Variants in MTMR12 observed in about 807,000 individuals in gnomAD.
MTMR12 encodes the protein myotubularin related protein 12, also known as myotubularin-related protein 12.
MTMR12 carries 33 observed loss-of-function variants against 96.7 expected under a neutral mutation model. The observed-to-expected ratio is 0.34, with a 90% CI of 0.26 to 0.46. The LOEUF is 0.46. MTMR12 is among the 20% of genes least tolerant of loss of function. The pLI is 1.00. For missense variants in MTMR12, 721 were observed against 896.1 expected, an observed-to-expected ratio of 0.80 and a Z score of 2.49; for synonymous variants, 298 against 327.2, an observed-to-expected ratio of 0.91 and a Z score of 0.96.
chr5:32,257,776 A>C lies in MTMR12; in HGVS notation c.714-2008T>G, dbSNP rs1315902421. Among the ~76,000 whole-genome samples, 3 of 137,728 alleles carry C rather than the reference A, an allele frequency of 2.2e-5. No homozygotes were observed. The East Asian group carries it at 5.8e-4, about 27-fold the overall frequency. 90.4% of individuals were successfully genotyped at this position (137,728 alleles called of 152,430 possible). On this transcript the variant is annotated intron_variant, in intron 7 of 15. Coordinates refer to ENST00000382142, the MANE Select transcript of MTMR12 (RefSeq NM_001040446.3). ...GAGCAAAACTCTGTCTCAAAAAAAC[A>C]AACAAACAAACAAACAAACAAACAA...
At chr5:32,301,503 T>C (rs1305777986) in intron 1 of MTMR12, among the ~76,000 whole-genome samples, 1 of 152,240 alleles carries the variant, frequency 6.6e-6, no homozygotes, top group South Asian at 2.1e-4. Flanking sequence ...GGGAAGTTGA[T>C]CTCAAGGGAT....
Position 32,282,420 on chromosome 5 carries a change from AAAATAAATAAATAAAT to A in MTMR12, c.82-5694_82-5679del, listed in dbSNP as rs202223564. Reference sequence around the variant, plus strand: ...TGGGCGACAGAGCAAGACTCCATCTAAAATAAATAAATAAATAAATAAATAAATAAATAAATAAATA... The same window carrying A: ...TGGGCGACAGAGCAAGACTCCATCTAAAATAAATAAATAAATAAATAAATA... On this transcript the variant is annotated intron_variant, in intron 1 of 15. Transcript: ENST00000382142. 4.9e-4 allele frequency among the ~76,000 whole-genome samples: 71 copies of A among 145,048 alleles called. No homozygotes were observed. In the South Asian group the frequency reaches 5.4e-3, roughly 11 times the overall value.
At chr5:32,310,248 A>T (rs1751522885) in intron 1 of MTMR12, among the ~76,000 whole-genome samples, 1 of 152,206 alleles carries the variant, frequency 6.6e-6, no homozygotes, top group Non-Finnish European at 1.5e-5. Context: ...GGCTACAGTG[A>T]GCTGTGATCA....
chr5:32,295,186 C>T lies in MTMR12; in HGVS notation c.81+17572G>A, dbSNP rs114420894. 7.8e-3 allele frequency among the ~76,000 whole-genome samples: 1,184 copies of T among 152,358 alleles called. 14 individuals carry two copies. The highest frequency in any genetic ancestry group is 0.027 in the African/African-American group (1,123 of 41,576). On this transcript the variant is annotated intron_variant, in intron 1 of 15. Transcript: ENST00000382142. ...GCAGGCCTGACTAGCAGGCTCATTC[C>T]CCATGCTTCTGAAAGCATGACAGGA...
intron 7 of MTMR12, 122 bp from the exon 8 acceptor site, chr5:32,255,890 T>C (rs993506305): frequency 1.6e-5 from 13 of 819,494 alleles, no homozygotes; most frequent in Non-Finnish European, 2.5e-5. Flanking sequence ...CATATTTCCC[T>C]GTTCAGAACC....
At chr5:32,292,090 G>C (rs551202715) in intron 1 of MTMR12, among the ~76,000 whole-genome samples, 1 of 152,272 alleles carries the variant, frequency 6.6e-6, no homozygotes, top group East Asian at 1.9e-4. Flanking sequence ...GGAATTCACT[G>C]GTCTTACCAT....
chr5:32,255,534 C>T (rs1035995232), intron 8 of MTMR12, among the ~76,000 whole-genome samples, 159 bp downstream of exon 8: 1 of 152,192 alleles, frequency 6.6e-6, no homozygotes, highest in African/African-American at 2.4e-5. Context: ...TCCCAATGAC[C>T]TTTAACAGAC....
intron 8 of MTMR12, among the ~76,000 whole-genome samples, chr5:32,254,453 G>A (rs979223944): frequency 2.8e-4 from 43 of 152,104 alleles, no homozygotes; most frequent in Admixed American, 2.1e-3. Context: ...TTAATAAAGA[G>A]CTAAAAATTA....
rs759245102 is a variant in MTMR12, at chr5:32,233,515, C to T, written c.1674+258G>A. ...ACACACACAGGCAGGACAAGAGGCA[C>T]GATTCCATGGAGTATGACCAGGGTG... is the stretch of plus-strand genomic sequence containing the variant. On this transcript the variant is annotated intron_variant, in intron 15 of 15. Coordinates refer to ENST00000382142, the MANE Select transcript of MTMR12 (RefSeq NM_001040446.3). The surrounding 1 kb of genome is among the most constrained non-coding windows in gnomAD (Gnocchi z 5.0). Among the ~76,000 whole-genome samples the T allele has an allele frequency of 6.6e-6, 1 of 151,482 alleles. No homozygotes were observed. Among genetic ancestry groups the T allele is most frequent in the Admixed American group, 6.6e-5 (1 of 15,244 alleles).
intron 10 of MTMR12, among the ~76,000 whole-genome samples, chr5:32,247,305 C>T (rs1748731553): frequency 6.6e-6 from 1 of 152,140 alleles, no homozygotes; most frequent in Non-Finnish European, 1.5e-5. Context: ...GAGCTGTGAT[C>T]ATGCCACTGC....
At chr5:32,242,224 C>A in intron 11 of MTMR12, 97 bp from the exon 12 acceptor site, 39 of 691,042 alleles carry the variant, frequency 5.6e-5, no homozygotes, top group Non-Finnish European at 8.0e-5. Flanking sequence ...GATCTTCAGT[C>A]TTCTCTCTTA....
chr5:32,263,927 C>T (rs1475749763), intron 6 of MTMR12, among the ~76,000 whole-genome samples: 9 of 152,292 alleles, frequency 5.9e-5, no homozygotes, highest in Middle Eastern at 3.4e-3. Context: ...GTGCATAAGA[C>T]GGCCAACTAA....
At chr5:32,291,222 C>T (rs1342643366) in intron 1 of MTMR12, among the ~76,000 whole-genome samples, 1 of 152,188 alleles carries the variant, frequency 6.6e-6, no homozygotes, top group African/African-American at 2.4e-5. Flanking sequence ...GACATGCAGG[C>T]ACCACCAAAA....
At chr5:32,234,899 T>C in intron 14 of MTMR12, 63 bp downstream of exon 14, 2 of 1,451,226 alleles carry the variant, frequency 1.4e-6, no homozygotes, top group Non-Finnish European at 1.9e-6. Flanking sequence ...GCATCAGTAT[T>C]ACTGCATCCT....
At chr5:32,305,188 A>G (rs1751308064) in intron 1 of MTMR12, among the ~76,000 whole-genome samples, 1 of 152,060 alleles carries the variant, frequency 6.6e-6, no homozygotes, top group African/African-American at 2.4e-5. Flanking sequence ...TCCTCGGTTC[A>G]AGAGATTCTC....
intron 12 of MTMR12, among the ~76,000 whole-genome samples, chr5:32,240,925 T>G (rs1384302787): frequency 6.6e-6 from 1 of 152,192 alleles, no homozygotes; most frequent in South Asian, 2.1e-4. Context: ...TAAGGAACTC[T>G]TTCTTCTTGG....
At chr5:32,270,744 C>T (rs766802800) in intron 5 of MTMR12, 73 bp downstream of exon 5, 73 of 1,501,276 alleles carry the variant, frequency 4.9e-5, no homozygotes, top group Non-Finnish European at 6.0e-5. Context: ...CTTCATGCAA[C>T]GTAAGCAAAA....
rs537498666 is a variant in MTMR12 at position 32,309,113 on chromosome 5, A to G, written c.81+3645T>C. Among the ~76,000 whole-genome samples, 63 of 152,300 alleles carry G rather than the reference A, an allele frequency of 4.1e-4. 1 individual carries two copies. The South Asian group carries it at 9.3e-3, about 23-fold the overall frequency. ...ACTGAACCACTCCCCTTCCCTAATT[A>G]TCCCTCAAAGGAAATACATCAGGCA... On this transcript the variant is annotated intron_variant, in intron 1 of 15. Coordinates refer to ENST00000382142, the MANE Select transcript of MTMR12 (RefSeq NM_001040446.3).
At chr5:32,261,425 G>A (rs961730247) in intron 7 of MTMR12, among the ~76,000 whole-genome samples, 8 of 151,936 alleles carry the variant, frequency 5.3e-5, no homozygotes, top group Admixed American at 1.3e-4. Context: ...CTCCTCCCTC[G>A]GGTGTCCTCT....
Sources: allele counts gnomAD v4.1 joint callset (sites outside exome capture counted in the v4.1 genomes callset), GRCh38; gene constraint gnomAD v4.1.1; non-coding constraint Gnocchi (gnomAD v3.1); transcripts MANE v1.5; gene names NCBI Gene and HGNC (gene_info 2026-07-23, HGNC 2026-07-21).